ENTPD7: variants seen among roughly 807,000 people sequenced by gnomAD.
The protein encoded by ENTPD7 is ectonucleoside triphosphate diphosphohydrolase 7.
In ENTPD7, 53 loss-of-function variants were observed where a neutral mutation model predicts 77.9. The observed-to-expected ratio is 0.68, with a 90% CI of 0.55 to 0.85. ENTPD7 has a LOEUF of 0.85. Among genes scored for constraint, ENTPD7 ranks in the 40% least tolerant of loss-of-function variants. The probability of loss-of-function intolerance (pLI) is 0.00; values close to 1 mark genes in which losing one functional copy is unlikely to be tolerated. For synonymous variants in ENTPD7, 248 were observed against 274.9 expected (o/e 0.90, Z 0.97); for missense variants, 636 against 743.7 (o/e 0.86, Z 1.68).
chr10:99,689,425 TAGAA>T (rs1323912914), intron 7 of ENTPD7, among the ~76,000 whole-genome samples: 2 of 152,196 alleles, frequency 1.3e-5, no homozygotes, highest in East Asian at 3.8e-4. Context: ...GATCACCTGG[TAGAA>T]AGAATTTGCC....
chr10:99,700,320 A>T (rs1291093615), intron 10 of ENTPD7, among the ~76,000 whole-genome samples: 1 of 152,000 alleles, frequency 6.6e-6, no homozygotes, highest in Non-Finnish European at 1.5e-5. Context: ...ATCCAAAATG[A>T]CAACGCTCCC....
At chr10:99,700,131 T>C (rs1397462432) in intron 10 of ENTPD7, among the ~76,000 whole-genome samples, 1 of 152,156 alleles carries the variant, frequency 6.6e-6, no homozygotes, top group African/African-American at 2.4e-5. Context: ...TAACTATCCA[T>C]GGCCTGACTC....
intron 9 of ENTPD7, 120 bp downstream of exon 9, chr10:99,696,242 C>G: frequency 4.1e-6 from 5 of 1,208,170 alleles, no homozygotes; most frequent in Non-Finnish European, 5.7e-6. Context: ...TTCTGACTAC[C>G]CCTGCCAATG....
intron 5 of ENTPD7, among the ~76,000 whole-genome samples, chr10:99,680,703 C>G (rs759161177): frequency 5.3e-5 from 8 of 152,042 alleles, no homozygotes; most frequent in Non-Finnish European, 1.0e-4. Context: ...CCTCCCACCT[C>G]AGCCTCCTAA....
chr10:99,698,654 A>G lies in ENTPD7; in HGVS notation c.1131A>G (p.Gly377=). ...AAGTCTTACATGTCCGAGGAAGAGG[A>G]GACTGGGTGTCTTGTGGGGCAATGC... is the stretch of plus-strand genomic sequence containing the variant. ...NSQVLHVRGR[G]DWVSCGAMLS... Residue 377 remains glycine (G), a synonymous_variant, in exon 10 of 13, where the codon GGA becomes GGG. Transcript: ENST00000370489. 1 of 1,614,202 alleles carries G rather than the reference A, an allele frequency of 6.2e-7. No homozygotes were observed. The highest frequency in any genetic ancestry group is 1.3e-5 in the African/African-American group (1 of 75,044).
intron 5 of ENTPD7, among the ~76,000 whole-genome samples, chr10:99,682,613 T>A (rs575883738): frequency 2.0e-5 from 3 of 152,210 alleles, no homozygotes; most frequent in African/African-American, 7.2e-5. Context: ...TGCTACCCTA[T>A]CAAAACTGTT....
chr10:99,676,076 G>A (rs964048994), intron 3 of ENTPD7, among the ~76,000 whole-genome samples: 1 of 152,032 alleles, frequency 6.6e-6, no homozygotes, highest in Non-Finnish European at 1.5e-5. Flanking sequence ...AAATTTTTCA[G>A]TATTGTTTTG....
chr10:99,691,396 GA>G lies in ENTPD7; in HGVS notation c.722del (p.Glu241GlyfsTer14). ...CTTATTTATTTCAGAATCAGATGCT[GA>G]GGCTACCCAGGAATTGGCAGCAGGA... ...RFDHEDESDA[E>X]ATQELAAGRR... On this transcript the variant is annotated frameshift_variant, in exon 8 of 13. Transcript: ENST00000370489. LOFTEE classifies it high-confidence loss of function. 6.2e-7 allele frequency: 1 copy of G among 1,613,400 alleles called. No homozygotes were observed. The highest frequency in any genetic ancestry group is 8.5e-7 in the Non-Finnish European group (1 of 1,179,706).
intron 5 of ENTPD7, among the ~76,000 whole-genome samples, chr10:99,684,684 T>A (rs1159462297): frequency 6.6e-6 from 1 of 152,266 alleles, no homozygotes; most frequent in East Asian, 1.9e-4. Flanking sequence ...GAATATTTTT[T>A]AATCCAAGAT....
At chr10:99,663,167 C>G (rs1281441520) in intron 3 of ENTPD7, among the ~76,000 whole-genome samples, 1 of 152,142 alleles carries the variant, frequency 6.6e-6, no homozygotes, top group East Asian at 1.9e-4. Context: ...GTGATAAATT[C>G]TTTCAACTTT....
chr10:99,671,146 A>T (rs758713200), intron 3 of ENTPD7, among the ~76,000 whole-genome samples: 70 of 152,206 alleles, frequency 4.6e-4, no homozygotes, highest in Middle Eastern at 3.4e-3. Flanking sequence ...CTCGGACATT[A>T]CTGTAGAATT....
chr10:99,679,861 G>C lies in ENTPD7; in HGVS notation c.534G>C (p.Arg178Ser). 4 of 1,611,410 alleles carry C rather than the reference G, an allele frequency of 2.5e-6. No individual in the cohort carries two copies. Among genetic ancestry groups the C allele is most frequent in the Non-Finnish European group, 3.4e-6 (4 of 1,179,304 alleles). The change falls in exon 5 of 13, where the codon AGG becomes AGC. Residue 178 changes from arginine (R) to serine (S), a missense_variant. By Grantham distance (110) the Arg-to-Ser change is moderately radical (BLOSUM62 -1). Transcript: ENST00000370489. ...PLYILCTAGM[R>S]LLPERKQLAI... ...ACATCCTCTGCACAGCAGGCATGAG[G>C]CTTCTCCCTGAGAGGTGAGATGCAG...
intron 3 of ENTPD7, among the ~76,000 whole-genome samples, chr10:99,667,842 A>G (rs1157070306): frequency 1.3e-4 from 20 of 151,544 alleles, no homozygotes; most frequent in Admixed American, 1.3e-3. Context: ...TTCTACAGAC[A>G]GTTTCTATAG....
chr10:99,666,779 A>G (rs2035555703), intron 3 of ENTPD7, among the ~76,000 whole-genome samples: 1 of 152,234 alleles, frequency 6.6e-6, no homozygotes, highest in African/African-American at 2.4e-5. Context: ...CATATTTTAT[A>G]ATAAAGTATT....
intron 3 of ENTPD7, among the ~76,000 whole-genome samples, chr10:99,677,101 T>C (rs2035690876): frequency 6.6e-6 from 1 of 152,196 alleles, no homozygotes; most frequent in African/African-American, 2.4e-5. Context: ...TAGATTGGTT[T>C]CAGGAGCGTG....
chr10:99,659,566 G>A lies in ENTPD7; in HGVS notation c.-118G>A, dbSNP rs1022264883. On this transcript the variant is annotated 5_prime_UTR_variant, in exon 1 of 13. Coordinates refer to ENST00000370489, the MANE Select transcript of ENTPD7 (RefSeq NM_020354.5). This position sits in a 1 kb window ranked among gnomAD's most constrained non-coding sequence, Gnocchi z 4.1. ...GGGACTGAACCGAGAGGTGCCGAAG[G>A]AACCGGCGGGCCGCTTGATCCCGTG... 5.8e-6 allele frequency: 1 copy of A among 173,448 alleles called. No individual in the cohort carries two copies. The highest frequency in any genetic ancestry group is 1.4e-4 in the South Asian group (1 of 7,008). 10.7% of individuals were successfully genotyped at this position (173,448 alleles called of 1,614,324 possible). A position where few individuals can be genotyped will look rare whatever the true frequency, so the allele number is the denominator to read the frequency against.
chr10:99,693,688 C>T (rs570980386), intron 8 of ENTPD7, among the ~76,000 whole-genome samples: 2 of 152,098 alleles, frequency 1.3e-5, no homozygotes, highest in Non-Finnish European at 2.9e-5. Context: ...GAAGCCAAGG[C>T]GGGTGGATCA....
chr10:99,683,022 G>T (rs1308930416), intron 5 of ENTPD7, among the ~76,000 whole-genome samples: 6 of 152,094 alleles, frequency 3.9e-5, no homozygotes, highest in Non-Finnish European at 8.8e-5. Flanking sequence ...CCACTGTGTA[G>T]CTCCACCCTT....
chr10:99,675,993 GT>G (rs1241519042), intron 3 of ENTPD7, among the ~76,000 whole-genome samples: 2 of 152,090 alleles, frequency 1.3e-5, no homozygotes, highest in Non-Finnish European at 2.9e-5. Context: ...TACTCCTCCT[GT>G]TTCCAACAGT....
Sources: gnomAD v4.1 joint callset for allele counts (sites outside exome capture counted in the v4.1 genomes callset) on GRCh38, gnomAD v4.1.1 for gene constraint, Gnocchi (gnomAD v3.1) non-coding constraint, MANE v1.5 for transcripts, NCBI Gene and HGNC (gene_info 2026-07-23, HGNC 2026-07-21) for gene names.